SLC30A7: variants seen among roughly 807,000 people sequenced by gnomAD.
SLC30A7 encodes the protein solute carrier family 30 member 7.
A neutral mutation model predicts 46.0 loss-of-function variants in SLC30A7; 35 were observed. The ratio of observed to expected loss-of-function variants is 0.76; its 90% CI spans 0.58 to 1.01. The LOEUF is 1.01. Among genes scored for constraint, SLC30A7 ranks in the 50% least tolerant of loss-of-function variants. SLC30A7 has a pLI of 0.00. For synonymous variants in SLC30A7, 147 were observed against 157.8 expected (o/e 0.93, Z 0.51); for missense variants, 464 against 451.1 (o/e 1.03, Z -0.26).
In SLC30A7 at chr1:100,954,453, C is replaced by T. The variant is rs141488031; in HGVS notation, c.843-7375C>T. Among the ~76,000 whole-genome samples the T allele has an allele frequency of 5.3e-3, 800 of 152,202 alleles. 3 individuals carry two copies. The highest frequency in any genetic ancestry group is 6.6e-3 in the Non-Finnish European group (452 of 67,988). ...TAAAAACTATTAAGTGCTATCTAAACAATGACATTACTAATTATTTACAAA... is the reference window on the plus strand; with the variant it reads ...TAAAAACTATTAAGTGCTATCTAAATAATGACATTACTAATTATTTACAAA... On this transcript the variant is annotated intron_variant, in intron 8 of 10. Transcript: ENST00000357650.
intron 8 of SLC30A7, among the ~76,000 whole-genome samples, chr1:100,960,585 G>A (rs1215028409): frequency 1.3e-5 from 2 of 152,042 alleles, no homozygotes; most frequent in African/African-American, 4.8e-5. Context: ...CTTCTTATGA[G>A]CTCTTCCTTG....
At chr1:100,930,799 A>G (rs1029072228) in intron 8 of SLC30A7, among the ~76,000 whole-genome samples, 1 of 152,144 alleles carries the variant, frequency 6.6e-6, no homozygotes, top group African/African-American at 2.4e-5. Context: ...AAAATTGAAC[A>G]TATGGGAACA....
the SLC30A7 span, chr1:100,995,850 T>C: frequency 6.6e-6 from 1 of 152,230 alleles, no homozygotes; most frequent in Non-Finnish European, 1.5e-5. Context: ...GAACTCAGTA[T>C]ACAACAGCAA....
rs528318963 is a variant in SLC30A7 at position 100,913,706 on chromosome 1, G to A, written c.555G>A (p.Gln185=). 6.8e-6 allele frequency: 11 copies of A among 1,613,926 alleles called. No homozygotes were observed. The East Asian group carries it at 2.0e-4, about 29-fold the overall frequency. The change falls in exon 6 of 11, where the codon CAG becomes CAA. Residue 185 remains glutamine, a synonymous_variant. Transcript: ENST00000357650. ...SHSLFNGALD[Q]AHGHVDHCHS... ...CCCTCTTTAATGGTGCTCTAGATCA[G>A]GCACATGGCCATGTCGATCATTGCC...
chr1:100,918,098 C>T lies in SLC30A7; in HGVS notation c.677C>T (p.Thr226Ile). 1 of 1,612,696 alleles carries T rather than the reference C, an allele frequency of 6.2e-7. No individual in the cohort carries two copies. The highest frequency in any genetic ancestry group is 8.5e-7 in the Non-Finnish European group (1 of 1,179,136). Residue 226 changes from threonine (T) to isoleucine (I), a missense_variant, in exon 7 of 11, where the codon ACA becomes ATA. Thr to Ile is a moderately conservative substitution (Grantham distance 89). Transcript: ENST00000357650. ...HSHDGPSLKE[T>I]TGPSRQILQG... ...ACAGATGGCCCGTCCTTAAAAGAAACAACAGGACCCAGCAGACAGATTTTA... is the reference window on the plus strand; with the variant it reads ...ACAGATGGCCCGTCCTTAAAAGAAATAACAGGACCCAGCAGACAGATTTTA...
chr1:100,951,300 TAAC>T (rs1302068548), intron 8 of SLC30A7, among the ~76,000 whole-genome samples: 1 of 151,756 alleles, frequency 6.6e-6, no homozygotes, highest in Admixed American at 6.6e-5. Context: ...AGCAAAGCAA[TAAC>T]AACAAATAAC....
chr1:100,954,197 A>G (rs1655108004), intron 8 of SLC30A7, among the ~76,000 whole-genome samples: 2 of 152,310 alleles, frequency 1.3e-5, no homozygotes, highest in East Asian at 1.9e-4. Context: ...TCTTCACTCT[A>G]GAGAACATAA....
Position 100,976,049 on chromosome 1 carries a change from C to T in SLC30A7, c.*1192C>T, listed in dbSNP as rs1241081906. The T allele has an allele frequency of 6.6e-6, 1 of 152,472 alleles. No individual in the cohort carries two copies. Among genetic ancestry groups the T allele is most frequent in the Non-Finnish European group, 1.5e-5 (1 of 67,996 alleles). The allele number at this position is 152,472 out of a possible 1,614,324, so 9.4% of individuals were successfully genotyped here. On this transcript the variant is annotated 3_prime_UTR_variant, in exon 11 of 11. Coordinates refer to ENST00000357650, the MANE Select transcript of SLC30A7 (RefSeq NM_133496.5). Reference sequence around the variant, plus strand: ...AATTTAATTATCACATTTTAAATTACTTTGTGGACTGTGTTTTCAAAACTT... The same window carrying T: ...AATTTAATTATCACATTTTAAATTATTTTGTGGACTGTGTTTTCAAAACTT...
chr1:100,969,053 T>G (rs1481494858), intron 10 of SLC30A7, among the ~76,000 whole-genome samples: 1 of 152,230 alleles, frequency 6.6e-6, no homozygotes, highest in African/African-American at 2.4e-5. Context: ...TAATCTTACG[T>G]ATAATTAGGA....
At chr1:100,993,597 TAG>T in the SLC30A7 span, among the ~76,000 whole-genome samples, 2 of 130,110 alleles carry the variant, frequency 1.5e-5, no homozygotes, top group African/African-American at 5.8e-5. Flanking sequence ...TATATATATA[TAG>T]CTATTGTGGC....
chr1:100,913,787 T>TGGACAC lies in SLC30A7; in HGVS notation c.637_642dup (p.Gly213_His214dup), dbSNP rs1313766078. The stretch of plus-strand genomic sequence containing the variant: ...ATAGCCATGATCATGCTCATGGACA[T>TGGACAC]GGACACTTTCATTCTCATGGTGAGT... On this transcript the variant is annotated inframe_insertion, in exon 6 of 11. Transcript: ENST00000357650. 6.2e-7 allele frequency: 1 copy of TGGACAC among 1,613,790 alleles called. No individual in the cohort carries two copies. The highest frequency in any genetic ancestry group is 8.5e-7 in the Non-Finnish European group (1 of 1,179,810).
At chr1:100,994,850 C>T in the SLC30A7 span, among the ~76,000 whole-genome samples, 1 of 152,242 alleles carries the variant, frequency 6.6e-6, no homozygotes, top group South Asian at 2.1e-4. Flanking sequence ...TTCAGAATCC[C>T]AACGCATTAA....
chr1:100,970,522 T>G (rs1482249034), intron 10 of SLC30A7, among the ~76,000 whole-genome samples: 3 of 152,094 alleles, frequency 2.0e-5, no homozygotes, highest in African/African-American at 7.2e-5. Context: ...CAGATTGCTT[T>G]GGGATTAAGT....
At chr1:100,937,020 T>A (rs999582426) in intron 8 of SLC30A7, among the ~76,000 whole-genome samples, 1 of 152,144 alleles carries the variant, frequency 6.6e-6, no homozygotes, top group Non-Finnish European at 1.5e-5. Context: ...ACACATAGAT[T>A]ATCTGTATCT....
At chr1:100,941,014 A>G in intron 8 of SLC30A7, 1 of 354,126 alleles carries the variant, frequency 2.8e-6, no homozygotes, top group South Asian at 2.5e-5. Flanking sequence ...TCCTAGCAGT[A>G]ATTAAAATCT....
intron 8 of SLC30A7, among the ~76,000 whole-genome samples, chr1:100,945,038 A>C (rs1298027961): frequency 6.6e-6 from 1 of 152,232 alleles, no homozygotes; most frequent in Non-Finnish European, 1.5e-5. Flanking sequence ...TCTGATGGCC[A>C]GTGATGATGA....
intron 8 of SLC30A7, chr1:100,941,614 A>G: frequency 3.4e-6 from 2 of 589,794 alleles, no homozygotes; most frequent in South Asian, 2.8e-5. Flanking sequence ...GTTCTTCAGT[A>G]TACTCTTTAA....
chr1:100,896,152 C>T lies in SLC30A7; in HGVS notation c.-111C>T. 5.3e-6 allele frequency: 5 copies of T among 943,006 alleles called. No individual in the cohort carries two copies. Among genetic ancestry groups the T allele is most frequent in the South Asian group, 4.1e-5 (3 of 73,676 alleles). 58.4% of individuals were successfully genotyped at this position (943,006 alleles called of 1,614,324 possible). On this transcript the variant is annotated 5_prime_UTR_variant, in exon 1 of 11. Transcript: ENST00000357650. Reference sequence around the variant, plus strand: ...TCTGTGTCTCGCAGCGGCGCGCGGCCCCGGACAAGCGCTGGGGATTCCCGT... The same window carrying T: ...TCTGTGTCTCGCAGCGGCGCGCGGCTCCGGACAAGCGCTGGGGATTCCCGT...
chr1:100,974,850 C>T lies in SLC30A7; in HGVS notation c.1124C>T (p.Ala375Val), dbSNP rs1050490134. The T allele has an allele frequency of 1.7e-5, 27 of 1,597,086 alleles. No individual in the cohort carries two copies. The highest frequency in any genetic ancestry group is 2.2e-5 in the Non-Finnish European group (26 of 1,168,316). ...RQLYVQIDFA[A>V]M is the part of the protein sequence containing the mutation. ...CTCTACGTACAGATTGACTTTGCAG[C>T]CATGTAGTGAATGGAAAGAAATTAT... Residue 375 changes from alanine (A) to valine (V), a missense_variant, in exon 11 of 11, where the codon GCC becomes GTC. Ala to Val is a moderately conservative substitution (Grantham distance 64). Transcript: ENST00000357650.
Sources: allele counts gnomAD v4.1 joint callset (sites outside exome capture counted in the v4.1 genomes callset), GRCh38; gene constraint gnomAD v4.1.1; transcripts MANE v1.5; gene names NCBI Gene and HGNC (gene_info 2026-07-23, HGNC 2026-07-21).